TRIM29: variants seen among roughly 807,000 people sequenced by gnomAD.
TRIM29 encodes the protein tripartite motif containing 29.
In TRIM29, 52 loss-of-function variants were observed where a neutral mutation model predicts 57.3. The observed-to-expected ratio is 0.91, with a 90% CI of 0.73 to 1.14. The LOEUF (loss-of-function observed/expected upper bound fraction) is 1.14, where lower values mean the gene tolerates loss of function less well. TRIM29 is among the 50% of genes most tolerant of loss of function. The pLI is 0.00. For missense variants in TRIM29, 753 were observed against 774.6 expected, an observed-to-expected ratio of 0.97 and a Z score of 0.33; for synonymous variants, 319 against 316.9, an observed-to-expected ratio of 1.01 and a Z score of -0.07.
intron 6 of TRIM29, among the ~76,000 whole-genome samples, chr11:120,119,240 T>A (rs528719931): frequency 1.3e-5 from 2 of 151,734 alleles, no homozygotes; most frequent in South Asian, 4.2e-4. Context: ...GGGCTCAGAG[T>A]CCCCATGGGT....
rs534866347 is a variant in TRIM29, at chr11:120,127,272, A to AG, written c.1134+63dup. 293 of 1,425,306 alleles carry AG rather than the reference A, an allele frequency of 2.1e-4. No individual in the cohort carries two copies. The East Asian group carries it at 5.7e-3, about 28-fold the overall frequency. 88.3% of individuals were successfully genotyped at this position (1,425,306 alleles called of 1,614,324 possible). On this transcript the variant is annotated intron_variant, in intron 3 of 8. Coordinates refer to ENST00000341846, the MANE Select transcript of TRIM29 (RefSeq NM_012101.4). ...GGATAGGTGGATGGATGGATGTTGG[A>AG]GGGGGGTCTCAAAAAGTGGATTGTG...
rs1330130943 is a variant in TRIM29 at position 120,112,178 on chromosome 11, A to G, written c.*236T>C. 18 of 497,782 alleles carry G rather than the reference A, an allele frequency of 3.6e-5. No individual in the cohort carries two copies. The highest frequency in any genetic ancestry group is 5.8e-5 in the Non-Finnish European group (16 of 276,512). The allele number at this position is 497,782 out of a possible 1,614,324, so 30.8% of individuals were successfully genotyped here. A position where few individuals can be genotyped will look rare whatever the true frequency, so the allele number is the denominator to read the frequency against. On this transcript the variant is annotated 3_prime_UTR_variant, in exon 9 of 9. Coordinates refer to ENST00000341846, the MANE Select transcript of TRIM29 (RefSeq NM_012101.4). ...CTGTGATGGGTTGGCCTCTGAGCAC[A>G]GGAATGATGGTGACCATCTGAGGTC...
chr11:120,128,767 A>T, intron 1 of TRIM29: 1 of 1,534,548 alleles, frequency 6.5e-7, no homozygotes, highest in African/African-American at 1.4e-5. Context: ...TAAGGGCTAA[A>T]CCTCTGCCTA....
At chr11:120,130,543 G>T (rs1026507850) in intron 1 of TRIM29, among the ~76,000 whole-genome samples, 2 of 152,216 alleles carry the variant, frequency 1.3e-5, no homozygotes, top group Non-Finnish European at 2.9e-5. Flanking sequence ...CAGGACAGCA[G>T]GTGCCTCTGA....
intron 7 of TRIM29, chr11:120,116,971 TAGAC>T (rs1285358024): frequency 1.2e-5 from 5 of 423,076 alleles, no homozygotes; most frequent in Non-Finnish European, 2.3e-5. Context: ...GGATTATTTT[TAGAC>T]AGCCCACTGC....
chr11:120,115,308 C>T (rs1423462923), intron 8 of TRIM29, 30 bp downstream of exon 8: 1 of 1,605,598 alleles, frequency 6.2e-7, no homozygotes, highest in Non-Finnish European at 8.5e-7. Flanking sequence ...TCTGGATGTG[C>T]CCAGGCCCTC....
Position 120,126,060 on chromosome 11 carries a change from C to T in TRIM29, c.1135-171G>A, listed in dbSNP as rs566562832. ...CATGAAAAGGTTCAACTAAAAGCCA[C>T]TGGATGCTAACATCCCTGATGGCAC... is the stretch of plus-strand genomic sequence containing the variant. On this transcript the variant is annotated intron_variant, in intron 3 of 8. Transcript: ENST00000341846. The T allele has an allele frequency of 1.6e-5, 11 of 667,124 alleles. No individual in the cohort carries two copies. The Admixed American group carries it at 2.6e-4, about 16-fold the overall frequency. 41.3% of individuals were successfully genotyped at this position (667,124 alleles called of 1,614,324 possible). A position where few individuals can be genotyped will look rare whatever the true frequency, so the allele number is the denominator to read the frequency against.
At position 120,137,916 on chromosome 11, in the gene TRIM29, T is replaced by C; in HGVS notation, c.116A>G (p.Asp39Gly). The C allele has an allele frequency of 6.2e-7, 1 of 1,610,204 alleles. No individual in the cohort carries two copies. Among genetic ancestry groups the C allele is most frequent in the Non-Finnish European group, 8.5e-7 (1 of 1,180,018 alleles). ...GCCGTGCCCGTTGGTGGTCTTGGCA[T>C]CCTTGCCGTCAGCCTTGGTGCCATT... The part of the protein sequence containing the change: ...LENGTKADGK[D>G]AKTTNGHGGE... The change falls in exon 1 of 9, where the codon GAT becomes GGT. Residue 39 changes from aspartate (D) to glycine (G), a missense_variant. Coordinates refer to ENST00000341846, the MANE Select transcript of TRIM29 (RefSeq NM_012101.4). This position sits in a 1 kb window ranked among gnomAD's most constrained non-coding sequence, Gnocchi z 6.2.
At chr11:120,122,855 C>A in intron 5 of TRIM29, 99 bp downstream of exon 5, 1 of 911,142 alleles carries the variant, frequency 1.1e-6, no homozygotes, top group Admixed American at 2.0e-5. Context: ...GCCATCACCC[C>A]CACTCAGAAG....
Position 120,125,754 on chromosome 11 carries a change from C to A in TRIM29, c.1270G>T (p.Val424Phe), listed in dbSNP as rs373220023. The A allele has an allele frequency of 2.5e-6, 4 of 1,614,068 alleles. No homozygotes were observed. Among genetic ancestry groups the A allele is most frequent in the Non-Finnish European group, 3.4e-6 (4 of 1,180,044 alleles). The part of the protein sequence containing the change: ...DDLLNVCMRH[V>F]EKMCKADLSR... ...AGGTCCGCCTTGCACATCTTCTCAA[C>A]GTGGCGCATGCATACATTGAGCAGG... is the stretch of plus-strand genomic sequence containing the variant. Residue 424 changes from valine (V) to phenylalanine (F), a missense_variant, in exon 4 of 9, where the codon GTT becomes TTT. By Grantham distance (50) the Val-to-Phe change is conservative. Coordinates refer to ENST00000341846, the MANE Select transcript of TRIM29 (RefSeq NM_012101.4).
chr11:120,131,829 C>A (rs1276471549), intron 1 of TRIM29, among the ~76,000 whole-genome samples: 1 of 149,822 alleles, frequency 6.7e-6, no homozygotes, highest in East Asian at 2.0e-4. Context: ...CTGGGCTCTC[C>A]TTCAACACTA....
Position 120,137,565 on chromosome 11 carries a change from G to A in TRIM29, c.467C>T (p.Ala156Val). Residue 156 changes from alanine (A) to valine (V), a missense_variant, in exon 1 of 9, where the codon GCC becomes GTC. Transcript: ENST00000341846. The surrounding 1 kb of genome is among the most constrained non-coding windows in gnomAD (Gnocchi z 6.2). ...GETRRNSYPR[A>V]DTGLFSRSKS... is the part of the protein sequence containing the mutation. The stretch of plus-strand genomic sequence containing the variant: ...GGACCGTGAAAAAAGGCCCGTGTCG[G>A]CCCGGGGGTAGCTGTTCCGCCGGGT... The A allele has an allele frequency of 6.2e-7, 1 of 1,611,754 alleles. No individual in the cohort carries two copies. Among genetic ancestry groups the A allele is most frequent in the South Asian group, 1.1e-5 (1 of 91,056 alleles).
In TRIM29 at chr11:120,112,486, A is replaced by T; in HGVS notation, c.1705-10T>A. On this transcript the variant is annotated splice_polypyrimidine_tract_variant and intron_variant, in intron 8 of 8. Transcript: ENST00000341846. ...ATGGCCGGTAGTGAGACTGTGGGGG[A>T]AACAAGAGTGGTCAGCGAGGCCAGA... The T allele has an allele frequency of 6.2e-7, 1 of 1,613,562 alleles. No individual in the cohort carries two copies. Among genetic ancestry groups the T allele is most frequent in the Non-Finnish European group, 8.5e-7 (1 of 1,179,724 alleles).
chr11:120,118,211 G>A lies in TRIM29; in HGVS notation c.1627+12C>T, dbSNP rs1034011567. 1.2e-6 allele frequency: 2 copies of A among 1,612,534 alleles called. No homozygotes were observed. Among genetic ancestry groups the A allele is most frequent in the Admixed American group, 1.7e-5 (1 of 59,986 alleles). On this transcript the variant is annotated intron_variant, in intron 7 of 8. Coordinates refer to ENST00000341846, the MANE Select transcript of TRIM29 (RefSeq NM_012101.4). Reference sequence around the variant, plus strand: ...TGTGGAGGAAAGCAGGGGCCAGGGTGGGCAAGCTCACCTTTCAGGGAGAAG... The same window carrying A: ...TGTGGAGGAAAGCAGGGGCCAGGGTAGGCAAGCTCACCTTTCAGGGAGAAG...
intron 1 of TRIM29, among the ~76,000 whole-genome samples, chr11:120,135,055 C>A (rs1040904197): frequency 1.3e-5 from 2 of 152,104 alleles, no homozygotes; most frequent in South Asian, 4.2e-4. Context: ...CCTCAGCGGC[C>A]CCCATGCCAG....
chr11:120,112,363 G>C lies in TRIM29; in HGVS notation c.*51C>G. 1 of 1,604,884 alleles carries C rather than the reference G, an allele frequency of 6.2e-7. No homozygotes were observed. Among genetic ancestry groups the C allele is most frequent in the Middle Eastern group, 1.7e-4 (1 of 6,038 alleles). ...AGTAGCTTAGAAGGCAAGAGCAGCAGGGTCAGGAGGAAGAGCAGGGGTGTG... is the reference window on the plus strand; with the variant it reads ...AGTAGCTTAGAAGGCAAGAGCAGCACGGTCAGGAGGAAGAGCAGGGGTGTG... On this transcript the variant is annotated 3_prime_UTR_variant, in exon 9 of 9. Coordinates refer to ENST00000341846, the MANE Select transcript of TRIM29 (RefSeq NM_012101.4).
In TRIM29 at chr11:120,112,324, AC is replaced by A; in HGVS notation, c.*89del. On this transcript the variant is annotated 3_prime_UTR_variant, in exon 9 of 9. Coordinates refer to ENST00000341846, the MANE Select transcript of TRIM29 (RefSeq NM_012101.4). ...CAGGTGCAGGACCAGGCTCCCTCCC[AC>A]CCAGACAAGCACAGTAGCTTAGAAG... 6.5e-7 allele frequency: 1 copy of A among 1,529,262 alleles called. No individual in the cohort carries two copies. The highest frequency in any genetic ancestry group is 9.0e-7 in the Non-Finnish European group (1 of 1,109,984). The allele number at this position is 1,529,262 out of a possible 1,614,324, so 94.7% of individuals were successfully genotyped here.
At position 120,125,783 on chromosome 11, in the gene TRIM29, T is replaced by A; in HGVS notation, c.1241A>T (p.Asp414Val). 1 of 1,614,170 alleles carries A rather than the reference T, an allele frequency of 6.2e-7. No homozygotes were observed. The highest frequency in any genetic ancestry group is 1.1e-5 in the South Asian group (1 of 91,078). Residue 414 changes from aspartate to valine, a missense_variant, in exon 4 of 9, where the codon GAC becomes GTC. Transcript: ENST00000341846. Reference protein sequence around the residue: ...GLGQSLGNFKDDLLNVCMRHV... With the variant: ...GLGQSLGNFKVDLLNVCMRHV... The stretch of plus-strand genomic sequence containing the variant: ...GCGCATGCATACATTGAGCAGGTCG[T>A]CCTTGAAGTTGCCTAGTGACTGTCC...
intron 3 of TRIM29, 185 bp from the exon 4 acceptor site, chr11:120,126,074 C>T (rs1227772738): frequency 3.2e-6 from 2 of 621,160 alleles, no homozygotes; most frequent in Non-Finnish European, 5.5e-6. Flanking sequence ...ATGCTAACAT[C>T]CCTGATGGCA....
Sources: gnomAD v4.1 joint callset for allele counts (sites outside exome capture counted in the v4.1 genomes callset) on GRCh38, gnomAD v4.1.1 for gene constraint, Gnocchi (gnomAD v3.1) non-coding constraint, MANE v1.5 for transcripts, NCBI Gene and HGNC (gene_info 2026-07-23, HGNC 2026-07-21) for gene names.